Variants in SYN3 observed in about 807,000 individuals in gnomAD.
SYN3 encodes synapsin-3.
Under a neutral mutation model 65.8 loss-of-function variants are expected in SYN3, and 35 were observed. The ratio of observed to expected loss-of-function variants is 0.53; its 90% CI spans 0.41 to 0.70. The LOEUF (loss-of-function observed/expected upper bound fraction) is 0.70, where lower values mean the gene tolerates loss of function less well. SYN3 is among the 30% of genes least tolerant of loss of function. The probability of loss-of-function intolerance (pLI) is 0.00; values close to 1 mark genes in which losing one functional copy is unlikely to be tolerated. For synonymous variants in SYN3, 270 were observed against 292.9 expected, an observed-to-expected ratio of 0.92 and a Z score of 0.80; for missense variants, 680 against 749.0, an observed-to-expected ratio of 0.91 and a Z score of 1.08.
At chr22:32,878,226 C>G (rs561122478) in intron 4 of SYN3, among the ~76,000 whole-genome samples, 16 of 152,294 alleles carry the variant, frequency 1.1e-4, no homozygotes, top group African/African-American at 3.8e-4. Flanking sequence ...GATCTGAGGA[C>G]TTCTGTTAAA....
intron 6 of SYN3, among the ~76,000 whole-genome samples, chr22:32,737,570 GT>G (rs1288738886): frequency 3.9e-5 from 6 of 152,006 alleles, no homozygotes; most frequent in Non-Finnish European, 8.8e-5. Context: ...GAGGTGCTTG[GT>G]TTTTTGTCCT....
chr22:32,921,255 T>C (rs757583077), intron 4 of SYN3, among the ~76,000 whole-genome samples: 1 of 152,170 alleles, frequency 6.6e-6, no homozygotes, highest in Non-Finnish European at 1.5e-5. Flanking sequence ...TGCACAAACT[T>C]TTCATAGATG....
At chr22:32,653,532 T>C (rs1333026807) in intron 6 of SYN3, among the ~76,000 whole-genome samples, 4 of 152,096 alleles carry the variant, frequency 2.6e-5, no homozygotes, top group Non-Finnish European at 5.9e-5. Context: ...GAGTCCTTTA[T>C]GGGAGGGGCT....
chr22:32,730,754 A>G (rs1288545942), intron 6 of SYN3, among the ~76,000 whole-genome samples: 1 of 152,200 alleles, frequency 6.6e-6, no homozygotes, highest in Non-Finnish European at 1.5e-5. Flanking sequence ...AGCACACAGA[A>G]CTAATACAGA....
rs988227684 is a variant in SYN3 at position 32,801,049 on chromosome 22, G to T, written c.711+63866C>A. 2.0e-5 allele frequency among the ~76,000 whole-genome samples: 3 copies of T among 152,188 alleles called. No individual in the cohort carries two copies. Among genetic ancestry groups the T allele is most frequent in the Non-Finnish European group, 4.4e-5 (3 of 68,030 alleles). ...GTTGCTTAACCCAGCATCCTGAACC[G>T]TGTTTGTTGAATGAATACAGAACCC... is the stretch of plus-strand genomic sequence containing the variant. On this transcript the variant is annotated intron_variant, in intron 6 of 13. Coordinates refer to ENST00000358763, the MANE Select transcript of SYN3 (RefSeq NM_003490.4). This position sits in a 1 kb window ranked among gnomAD's most constrained non-coding sequence, Gnocchi z 4.7.
intron 4 of SYN3, among the ~76,000 whole-genome samples, chr22:32,882,585 C>A (rs1452146998): frequency 6.6e-6 from 1 of 152,134 alleles, no homozygotes; most frequent in Non-Finnish European, 1.5e-5. Context: ...ACAGAGAGGA[C>A]AAGCAGCCTC....
intron 6 of SYN3, among the ~76,000 whole-genome samples, chr22:32,679,967 T>A (rs2060502047): frequency 6.6e-6 from 1 of 151,820 alleles, no homozygotes; most frequent in Non-Finnish European, 1.5e-5. Context: ...TTATTTACCT[T>A]GTCTATATCT....
At chr22:32,603,815 C>G (rs557133935) in intron 6 of SYN3, among the ~76,000 whole-genome samples, 36 of 152,354 alleles carry the variant, frequency 2.4e-4, no homozygotes, top group African/African-American at 8.7e-4. Flanking sequence ...ATCAGCCTCT[C>G]ACAGGCTCCC....
chr22:32,868,206 CA>C lies in SYN3; in HGVS notation c.621+759del, dbSNP rs1373125924. Among the ~76,000 whole-genome samples, 5 of 151,982 alleles carry C rather than the reference CA, an allele frequency of 3.3e-5. No homozygotes were observed. In the East Asian group the frequency reaches 9.6e-4, roughly 29 times the overall value. On this transcript the variant is annotated intron_variant, in intron 5 of 13. Coordinates refer to ENST00000358763, the MANE Select transcript of SYN3 (RefSeq NM_003490.4). ...CTGTTAACAATAATGATAGAATGTT[CA>C]TAAAACAATATGGTGCATCTTTATG...
intron 6 of SYN3, among the ~76,000 whole-genome samples, chr22:32,680,265 T>G (rs2060505867): frequency 6.6e-6 from 1 of 152,230 alleles, no homozygotes; most frequent in Non-Finnish European, 1.5e-5. Context: ...TTTCTCCATG[T>G]GGTCTCCTTT....
At chr22:32,791,593 G>A (rs752124532) in intron 6 of SYN3, among the ~76,000 whole-genome samples, 7 of 151,264 alleles carry the variant, frequency 4.6e-5, no homozygotes, top group South Asian at 2.1e-4. Flanking sequence ...TTTTCCAAAC[G>A]CTCGCCTTCT....
intron 6 of SYN3, among the ~76,000 whole-genome samples, chr22:32,723,215 C>T (rs572107092): frequency 1.3e-5 from 2 of 152,338 alleles, no homozygotes; most frequent in East Asian, 1.9e-4. Context: ...CACCAGGGTT[C>T]AACTCCTGAC....
chr22:32,713,725 G>C (rs2060997557), intron 6 of SYN3, among the ~76,000 whole-genome samples: 2 of 151,990 alleles, frequency 1.3e-5, no homozygotes, highest in Non-Finnish European at 2.9e-5. Context: ...CAGCTACTCG[G>C]GAGGCTGAGG....
intron 6 of SYN3, among the ~76,000 whole-genome samples, chr22:32,706,937 C>T (rs913489705): frequency 2.6e-5 from 4 of 152,134 alleles, no homozygotes; most frequent in Non-Finnish European, 5.9e-5. Context: ...TTTCTCTCTG[C>T]CTGCCCACCT....
At chr22:32,752,601 T>C (rs2045163803) in intron 6 of SYN3, among the ~76,000 whole-genome samples, 1 of 152,236 alleles carries the variant, frequency 6.6e-6, no homozygotes, top group South Asian at 2.1e-4. Context: ...GTGCCGGGGC[T>C]CTGCTGTCCC....
chr22:32,860,075 C>A (rs898794540), intron 6 of SYN3: 2 of 152,278 alleles, frequency 1.3e-5, no homozygotes, highest in African/African-American at 4.8e-5. Flanking sequence ...AGCAAGCACC[C>A]AGGCCAGAAT....
chr22:32,519,213 C>G (rs2057832882), intron 12 of SYN3, among the ~76,000 whole-genome samples: 1 of 152,144 alleles, frequency 6.6e-6, no homozygotes, highest in African/African-American at 2.4e-5. Context: ...ATCTGCGATT[C>G]TGCATTTCTA....
chr22:32,656,822 T>C (rs1210128663), intron 6 of SYN3, among the ~76,000 whole-genome samples: 1 of 152,068 alleles, frequency 6.6e-6, no homozygotes, highest in Non-Finnish European at 1.5e-5. Flanking sequence ...GGGACGTCCA[T>C]ACCAGAGACA....
chr22:32,599,877 C>T (rs2059256970), intron 6 of SYN3, among the ~76,000 whole-genome samples: 1 of 152,056 alleles, frequency 6.6e-6, no homozygotes, highest in Non-Finnish European at 1.5e-5. Context: ...TCTGCTTGGA[C>T]CCATGGGCTG....
Sources: gnomAD v4.1 joint callset for allele counts (sites outside exome capture counted in the v4.1 genomes callset) on GRCh38, gnomAD v4.1.1 for gene constraint, Gnocchi (gnomAD v3.1) non-coding constraint, MANE v1.5 for transcripts, NCBI Gene and HGNC (gene_info 2026-07-23, HGNC 2026-07-21) for gene names.